Variants in GNPAT observed in about 807,000 individuals in gnomAD.
GNPAT encodes glyceronephosphate O-acyltransferase, also known as dihydroxyacetone phosphate acyltransferase.
Under a neutral mutation model 78.4 loss-of-function variants are expected in GNPAT, and 30 were observed. That is an observed-to-expected ratio of 0.38 (90% CI 0.29 to 0.52). The LOEUF is 0.52. GNPAT is among the 20% of genes least tolerant of loss of function. GNPAT has a pLI of 0.84. For missense variants in GNPAT, 714 were observed against 812.2 expected, an observed-to-expected ratio of 0.88 and a Z score of 1.47; for synonymous variants, 271 against 281.1, an observed-to-expected ratio of 0.96 and a Z score of 0.36.
rs372084565 is a variant in GNPAT at position 231,251,061 on chromosome 1, A to G, written c.179A>G (p.Tyr60Cys). The stretch of plus-strand genomic sequence containing the variant: ...ATGAAATGCTACACACCTCTTGTCT[A>G]TAAGGGAATTACTCCATGTAAACCA... ...FAMKCYTPLV[Y>C]KGITPCKPID... Residue 60 changes from tyrosine to cysteine, a missense_variant, in exon 2 of 16, where the codon TAT becomes TGT. By Grantham distance (194) the Tyr-to-Cys change is radical. Coordinates refer to ENST00000366647, the MANE Select transcript of GNPAT (RefSeq NM_014236.4). 7.5e-6 allele frequency: 12 copies of G among 1,593,074 alleles called. No individual in the cohort carries two copies. The highest frequency in any genetic ancestry group is 3.3e-5 in the Admixed American group (2 of 59,968).
At chr1:231,274,353 G>A (rs1313644080) in intron 12 of GNPAT, among the ~76,000 whole-genome samples, 2 of 152,162 alleles carry the variant, frequency 1.3e-5, no homozygotes, top group Non-Finnish European at 2.9e-5. Context: ...CTGTCATACT[G>A]TGTCTCATGT....
chr1:231,251,341 C>A (rs1684890596), intron 2 of GNPAT, among the ~76,000 whole-genome samples, 198 bp downstream of exon 2: 1 of 151,900 alleles, frequency 6.6e-6, no homozygotes, highest in South Asian at 2.1e-4. Flanking sequence ...GCGAGTTGAG[C>A]GTAAGTGAAA....
At chr1:231,250,266 C>CA (rs1036905879) in intron 1 of GNPAT, among the ~76,000 whole-genome samples, 5 of 151,278 alleles carry the variant, frequency 3.3e-5, no homozygotes, top group African/African-American at 7.3e-5. Context: ...ACTGTCTCTA[C>CA]AAAAAAAATT....
chr1:231,274,816 C>T, intron 12 of GNPAT: 1 of 256,274 alleles, frequency 3.9e-6, no homozygotes, highest in South Asian at 4.5e-5. Context: ...TACCCTTAAT[C>T]ACTGTTCTAC....
chr1:231,258,791 C>G (rs1303650317), intron 2 of GNPAT, among the ~76,000 whole-genome samples: 8 of 151,172 alleles, frequency 5.3e-5, no homozygotes, highest in Non-Finnish European at 3.0e-5. Context: ...CCACCACACC[C>G]AGCTAATTTT....
At chr1:231,260,009 C>A (rs966453976) in intron 2 of GNPAT, among the ~76,000 whole-genome samples, 1 of 152,144 alleles carries the variant, frequency 6.6e-6, no homozygotes, top group African/African-American at 2.4e-5. Context: ...TTGTGAGATT[C>A]TTTATTTCAC....
chr1:231,269,763 T>C (rs1304416084), intron 9 of GNPAT: 1 of 152,208 alleles, frequency 6.6e-6, no homozygotes, highest in Non-Finnish European at 1.5e-5. Flanking sequence ...CTAAAGTGTT[T>C]TGCTTTTTCA....
chr1:231,274,833 AATC>A, intron 12 of GNPAT: 1 of 276,822 alleles, frequency 3.6e-6, no homozygotes, highest in Non-Finnish European at 7.0e-6. Context: ...CTACAGTAGA[AATC>A]ATCAAGTATT....
intron 2 of GNPAT, among the ~76,000 whole-genome samples, chr1:231,252,941 T>A (rs1402064534): frequency 6.6e-6 from 1 of 152,146 alleles, no homozygotes; most frequent in Non-Finnish European, 1.5e-5. Flanking sequence ...TCCCTGACTT[T>A]GCCTGTTACC....
rs1685704917 is a variant in GNPAT, at chr1:231,276,017, C to T, written c.1938-118C>T. The T allele has an allele frequency of 2.4e-5, 16 of 661,086 alleles. No homozygotes were observed. In the East Asian group the frequency reaches 4.5e-4, roughly 19 times the overall value. 41.0% of individuals were successfully genotyped at this position (661,086 alleles called of 1,614,324 possible). A position where few individuals can be genotyped will look rare whatever the true frequency, so the allele number is the denominator to read the frequency against. On this transcript the variant is annotated intron_variant, in intron 14 of 15. Coordinates refer to ENST00000366647, the MANE Select transcript of GNPAT (RefSeq NM_014236.4). Reference sequence around the variant, plus strand: ...CCTGAGGCCTTTCGACTACTTAGGCCCAGCCTTGAGGAAGGCAATTGAAAA... The same window carrying T: ...CCTGAGGCCTTTCGACTACTTAGGCTCAGCCTTGAGGAAGGCAATTGAAAA...
At position 231,241,455 on chromosome 1, in the gene GNPAT, C is replaced by T; in HGVS notation, c.77C>T (p.Ser26Leu). The T allele has an allele frequency of 1.9e-6, 3 of 1,608,380 alleles. No homozygotes were observed. The highest frequency in any genetic ancestry group is 2.6e-6 in the Non-Finnish European group (3 of 1,174,912). Residue 26 changes from serine to leucine, a missense_variant and splice_region_variant, in exon 1 of 16, where the codon TCG becomes TTG. Transcript: ENST00000366647. Reference sequence around the variant, plus strand: ...CCCAGCGCTGTCGTGCTCCTCTACTCGGTAGGCGCCCAGGGAAAAGAGGCC... The same window carrying T: ...CCCAGCGCTGTCGTGCTCCTCTACTTGGTAGGCGCCCAGGGAAAAGAGGCC... The part of the protein sequence containing the change: ...TSPSAVVLLY[S>L]KELKKWDEFE...
chr1:231,246,892 G>A lies in GNPAT; in HGVS notation c.79-4069G>A, dbSNP rs543751227. Reference sequence around the variant, plus strand: ...GAGTTTAAAACCACTGGATTCGGCCGGGCGCGTTGGCTCACGCCTGTAATC... The same window carrying A: ...GAGTTTAAAACCACTGGATTCGGCCAGGCGCGTTGGCTCACGCCTGTAATC... On this transcript the variant is annotated intron_variant, in intron 1 of 15. Coordinates refer to ENST00000366647, the MANE Select transcript of GNPAT (RefSeq NM_014236.4). Among the ~76,000 whole-genome samples, 6 of 152,158 alleles carry A rather than the reference G, an allele frequency of 3.9e-5. No individual in the cohort carries two copies. The South Asian group carries it at 1.0e-3, about 26-fold the overall frequency.
chr1:231,249,343 C>A (rs1191573723), intron 1 of GNPAT, among the ~76,000 whole-genome samples: 1 of 152,144 alleles, frequency 6.6e-6, no homozygotes, highest in Non-Finnish European at 1.5e-5. Context: ...TTTCACCTGC[C>A]ACCCTTTTAT....
At chr1:231,266,888 T>G (rs1685404739) in intron 8 of GNPAT, among the ~76,000 whole-genome samples, 1 of 152,222 alleles carries the variant, frequency 6.6e-6, no homozygotes, top group Non-Finnish European at 1.5e-5. Context: ...AGATACACAT[T>G]TGAGTTTTCT....
Position 231,270,721 on chromosome 1 carries a change from G to T in GNPAT, c.1280-37G>T. 3 of 1,611,078 alleles carry T rather than the reference G, an allele frequency of 1.9e-6. No homozygotes were observed. In the South Asian group the frequency reaches 3.3e-5, roughly 18 times the overall value. ...CGCTAGGCCTAAGACTCCCTGCAGT[G>T]ACCCATCTTGTTTGAATGAATTGTC... is the stretch of plus-strand genomic sequence containing the variant. On this transcript the variant is annotated intron_variant, in intron 9 of 15. Coordinates refer to ENST00000366647, the MANE Select transcript of GNPAT (RefSeq NM_014236.4).
intron 1 of GNPAT, among the ~76,000 whole-genome samples, chr1:231,246,823 G>T (rs1684762409): frequency 6.6e-6 from 1 of 152,202 alleles, no homozygotes; most frequent in Non-Finnish European, 1.5e-5. Context: ...CTGGATATCA[G>T]TATTTATTTT....
At position 231,266,363 on chromosome 1, in the gene GNPAT, G is replaced by A; in HGVS notation, c.1011G>A (p.Leu337=). 23 of 1,613,996 alleles carry A rather than the reference G, an allele frequency of 1.4e-5. No individual in the cohort carries two copies. The highest frequency in any genetic ancestry group is 1.9e-5 in the Non-Finnish European group (23 of 1,179,908). ...GAGATCCTGTGTCACTTCGATCTTT[G>A]GCAGCTGGGAGGATGAGTCGGAGCT... ...YFGDPVSLRS[L]AAGRMSRSSY... Residue 337 remains leucine (L), a synonymous_variant, in exon 8 of 16, where the codon TTG becomes TTA. Transcript: ENST00000366647.
At chr1:231,251,530 T>C (rs1684898277) in intron 2 of GNPAT, among the ~76,000 whole-genome samples, 1 of 152,188 alleles carries the variant, frequency 6.6e-6, no homozygotes, top group Non-Finnish European at 1.5e-5. Context: ...GGAAAGAGTA[T>C]TCAAGCCAAA....
intron 2 of GNPAT, among the ~76,000 whole-genome samples, chr1:231,257,144 C>G (rs1246921118): frequency 6.6e-6 from 1 of 152,198 alleles, no homozygotes; most frequent in Non-Finnish European, 1.5e-5. Flanking sequence ...GCATTTCCTT[C>G]AAGCAAGCCA....
Sources: allele counts gnomAD v4.1 joint callset (sites outside exome capture counted in the v4.1 genomes callset), GRCh38; gene constraint gnomAD v4.1.1; transcripts MANE v1.5; gene names NCBI Gene and HGNC (gene_info 2026-07-23, HGNC 2026-07-21).